IL16: variants seen among roughly 807,000 people sequenced by gnomAD.
The protein encoded by IL16 is interleukin 16.
A neutral mutation model predicts 110.1 loss-of-function variants in IL16; 67 were observed. The observed-to-expected ratio is 0.61, with a 90% CI of 0.50 to 0.75. The LOEUF is 0.75. Among genes scored for constraint, IL16 ranks in the 30% least tolerant of loss-of-function variants. IL16 has a pLI of 0.00. For synonymous variants in IL16, 689 were observed against 662.9 expected, an observed-to-expected ratio of 1.04 and a Z score of -0.61; for missense variants, 1,545 against 1,655.0, an observed-to-expected ratio of 0.93 and a Z score of 1.15.
rs1393022163 is a variant in IL16, at chr15:81,311,354, T to A, written c.*2556T>A. 2.0e-5 allele frequency: 3 copies of A among 152,268 alleles called. No homozygotes were observed. Among genetic ancestry groups the A allele is most frequent in the Non-Finnish European group, 2.9e-5 (2 of 68,054 alleles). The allele number at this position is 152,268 out of a possible 1,614,324, so 9.4% of individuals were successfully genotyped here. On this transcript the variant is annotated 3_prime_UTR_variant, in exon 19 of 19. Coordinates refer to ENST00000683961, the MANE Select transcript of IL16 (RefSeq NM_172217.5). ...GAAGCAGGCTACACTGACACTGGTA[T>A]TCCTGCCTCCATATTTTCTTTAAAA...
intron 2 of IL16, among the ~76,000 whole-genome samples, chr15:81,231,946 T>A (rs972749394): frequency 6.6e-6 from 1 of 151,998 alleles, no homozygotes; most frequent in Non-Finnish European, 1.5e-5. Flanking sequence ...GATCTATTAG[T>A]CTTTTATTTT....
intron 1 of IL16, among the ~76,000 whole-genome samples, chr15:81,212,372 C>T (rs954582187): frequency 2.6e-5 from 4 of 151,822 alleles, no homozygotes; most frequent in Non-Finnish European, 5.9e-5. Context: ...ATATATACAT[C>T]TTATGTGTGT....
intron 5 of IL16, among the ~76,000 whole-genome samples, 169 bp from the exon 6 acceptor site, chr15:81,272,921 G>GTT (rs1898707602): frequency 2.1e-5 from 3 of 142,856 alleles, no homozygotes; most frequent in Admixed American, 6.8e-5. Context: ...TGTTGTTGTT[G>GTT]GTGTTGTTGT....
Position 81,273,199 on chromosome 15 carries a change from A to G in IL16, c.785A>G (p.Gln262Arg). ...GGAAAADGRL[Q>R]EGDEILELNG... ...GCAGCAGCAGCCGATGGAAGGCTAC[A>G]GGAAGGTAGGCTTCCCAGCCCTTTT... Residue 262 changes from glutamine (Q) to arginine (R), a missense_variant, in exon 6 of 19, where the codon CAG becomes CGG. Physicochemically the swap from Gln to Arg is conservative, Grantham distance 43 (BLOSUM62 1). This residue lies in a region of IL16 where 1,185 missense variants were observed against 1,238.8 expected (regional missense o/e 0.96). Transcript: ENST00000683961. The G allele has an allele frequency of 6.2e-7, 1 of 1,606,576 alleles. No individual in the cohort carries two copies. Among genetic ancestry groups the G allele is most frequent in the East Asian group, 2.2e-5 (1 of 44,802 alleles).
At position 81,279,788 on chromosome 15, in the gene IL16, A is replaced by G; in HGVS notation, c.1081+14A>G. 1 of 1,611,430 alleles carries G rather than the reference A, an allele frequency of 6.2e-7. No homozygotes were observed. Among genetic ancestry groups the G allele is most frequent in the South Asian group, 1.1e-5 (1 of 90,882 alleles). Reference sequence around the variant, plus strand: ...CTCTGCAGAAAGGTAGGAGTGCTGCAGCTGTGTCCCGTGCCTGGGTCTCCC... The same window carrying G: ...CTCTGCAGAAAGGTAGGAGTGCTGCGGCTGTGTCCCGTGCCTGGGTCTCCC... On this transcript the variant is annotated intron_variant, in intron 8 of 18. Coordinates refer to ENST00000683961, the MANE Select transcript of IL16 (RefSeq NM_172217.5).
chr15:81,201,486 A>G (rs1020134533), intron 1 of IL16, among the ~76,000 whole-genome samples: 2 of 152,164 alleles, frequency 1.3e-5, no homozygotes, highest in Admixed American at 1.3e-4. Context: ...TCCAGGAAGG[A>G]GATCTTAGTT....
intron 4 of IL16, among the ~76,000 whole-genome samples, chr15:81,266,119 AT>A (rs1898373876): frequency 6.6e-6 from 1 of 152,170 alleles, no homozygotes; most frequent in Non-Finnish European, 1.5e-5. Flanking sequence ...GGATCGCTTT[AT>A]TTCATCTGCA....
rs560471388 is a variant in IL16 at position 81,237,176 on chromosome 15, C to T, written c.312+11465C>T. Among the ~76,000 whole-genome samples, 30 of 152,254 alleles carry T rather than the reference C, an allele frequency of 2.0e-4. No homozygotes were observed. In the East Asian group the frequency reaches 5.0e-3, roughly 26 times the overall value. On this transcript the variant is annotated intron_variant, in intron 2 of 18. Transcript: ENST00000683961. ...CTTTATGAACCCAAGTTTTAGTTAT[C>T]CTCTAAGGCTCAGCTTCAGTGGAGC... is the stretch of plus-strand genomic sequence containing the variant.
chr15:81,283,943 C>T (rs993834491), intron 9 of IL16, among the ~76,000 whole-genome samples: 1 of 143,936 alleles, frequency 6.9e-6, no homozygotes, highest in African/African-American at 2.6e-5. Flanking sequence ...GCAGAGGTTG[C>T]AGTAAGCCAA....
At position 81,299,535 on chromosome 15, in the gene IL16, C is replaced by A. The variant is rs751951435; in HGVS notation, c.2209C>A (p.Pro737Thr). 6.2e-7 allele frequency: 1 copy of A among 1,614,188 alleles called. No individual in the cohort carries two copies. The highest frequency in any genetic ancestry group is 1.1e-5 in the South Asian group (1 of 91,080). The change falls in exon 14 of 19, where the codon CCT becomes ACT. Residue 737 changes from proline (P) to threonine (T), a missense_variant. Physicochemically the swap from Pro to Thr is conservative, Grantham distance 38. This residue lies in a region of IL16 where 1,185 missense variants were observed against 1,238.8 expected (regional missense o/e 0.96). Coordinates refer to ENST00000683961, the MANE Select transcript of IL16 (RefSeq NM_172217.5). Reference sequence around the variant, plus strand: ...CATGAGTGAGAACCATGGCCACATGCCTCTACAGCCCAATGCCAGCCTGAA... The same window carrying A: ...CATGAGTGAGAACCATGGCCACATGACTCTACAGCCCAATGCCAGCCTGAA... ...PIMSENHGHM[P>T]LQPNASLNEE...
chr15:81,309,684 A>C lies in IL16; in HGVS notation c.*886A>C, dbSNP rs1900753521. On this transcript the variant is annotated 3_prime_UTR_variant, in exon 19 of 19. Coordinates refer to ENST00000683961, the MANE Select transcript of IL16 (RefSeq NM_172217.5). ...CCAGTAAACAGAGGAGTACAGGTGA[A>C]GCACCAAGCTCAAAGCGTGGACAGG... 2 of 152,292 alleles carry C rather than the reference A, an allele frequency of 1.3e-5. No individual in the cohort carries two copies. Among genetic ancestry groups the C allele is most frequent in the South Asian group, 4.1e-4 (2 of 4,836 alleles). 9.4% of individuals were successfully genotyped at this position (152,292 alleles called of 1,614,324 possible). A position where few individuals can be genotyped will look rare whatever the true frequency, so the allele number is the denominator to read the frequency against.
At chr15:81,247,096 T>G (rs1001806520) in intron 2 of IL16, among the ~76,000 whole-genome samples, 4 of 130,292 alleles carry the variant, frequency 3.1e-5, no homozygotes, top group African/African-American at 1.2e-4. Flanking sequence ...TTTTTTTTTT[T>G]GATCTTGAGT....
At chr15:81,281,685 C>A (rs1211807671) in intron 8 of IL16, among the ~76,000 whole-genome samples, 1 of 152,258 alleles carries the variant, frequency 6.6e-6, no homozygotes, top group East Asian at 1.9e-4. Context: ...CCATAGCCCT[C>A]CCTGCTTTGG....
chr15:81,270,793 T>G (rs1423086620), intron 5 of IL16, among the ~76,000 whole-genome samples: 4 of 152,216 alleles, frequency 2.6e-5, no homozygotes, highest in African/African-American at 9.7e-5. Context: ...AAATATGCAT[T>G]CAATGAGTAA....
intron 10 of IL16, among the ~76,000 whole-genome samples, chr15:81,286,779 G>A (rs558272552): frequency 1.2e-4 from 19 of 152,250 alleles, no homozygotes; most frequent in Middle Eastern, 3.4e-3. Context: ...CTGTTCTCCC[G>A]CTGTTGATAG....
intron 2 of IL16, among the ~76,000 whole-genome samples, chr15:81,259,130 G>A (rs779543449): frequency 6.6e-6 from 1 of 152,122 alleles, no homozygotes; most frequent in Non-Finnish European, 1.5e-5. Flanking sequence ...TTAAATATTT[G>A]CATATAGTAA....
At chr15:81,210,654 T>G (rs1896204488) in intron 1 of IL16, among the ~76,000 whole-genome samples, 1 of 152,246 alleles carries the variant, frequency 6.6e-6, no homozygotes, top group Non-Finnish European at 1.5e-5. Context: ...CTGGACATTA[T>G]TGGTGTATAG....
intron 12 of IL16, among the ~76,000 whole-genome samples, chr15:81,294,683 C>G (rs1238618416): frequency 6.6e-6 from 1 of 152,184 alleles, no homozygotes; most frequent in Admixed American, 6.5e-5. Flanking sequence ...TCTGGTCTGT[C>G]CCACGTGGCC....
intron 1 of IL16, among the ~76,000 whole-genome samples, chr15:81,200,248 T>C (rs1009758642): frequency 5.3e-5 from 8 of 151,816 alleles, no homozygotes; most frequent in Non-Finnish European, 7.4e-5. Context: ...TATTTATTTA[T>C]TTATGTATAC....
Sources: allele counts gnomAD v4.1 joint callset (sites outside exome capture counted in the v4.1 genomes callset), GRCh38; gene constraint gnomAD v4.1.1; regional missense constraint gnomAD v4.1.1; transcripts MANE v1.5; gene names NCBI Gene and HGNC (gene_info 2026-07-23, HGNC 2026-07-21).